The following BMERB1 variants were observed in gnomAD, a reference collection of about 807,000 sequenced individuals.
BMERB1 encodes bMERB domain containing 1, also known as bMERB domain-containing protein 1.
In BMERB1, 12 loss-of-function variants were observed where a neutral mutation model predicts 23.6. The ratio of observed to expected loss-of-function variants is 0.51; its 90% CI spans 0.33 to 0.82. BMERB1 has a LOEUF of 0.82. BMERB1 is among the 40% of genes least tolerant of loss of function. The pLI, the probability that BMERB1 is intolerant of heterozygous loss-of-function variation, is 0.03. For synonymous variants in BMERB1, 122 were observed against 96.6 expected (o/e 1.26, Z -1.54); for missense variants, 247 against 255.4 (o/e 0.97, Z 0.22).
intron 1 of BMERB1, among the ~76,000 whole-genome samples, chr16:15,498,527 T>C (rs2051496750): frequency 7.4e-6 from 1 of 134,842 alleles, no homozygotes; most frequent in Non-Finnish European, 1.6e-5. Flanking sequence ...TTGTTTCAGA[T>C]AAAAAGAGGA....
chr16:15,534,675 T>C (rs994379986), intron 2 of BMERB1, among the ~76,000 whole-genome samples: 1 of 152,212 alleles, frequency 6.6e-6, no homozygotes, highest in African/African-American at 2.4e-5. Flanking sequence ...CCCTGTGCCA[T>C]AAGGCAGTGG....
chr16:15,532,637 C>A (rs1257333662), intron 2 of BMERB1, among the ~76,000 whole-genome samples: 1 of 150,058 alleles, frequency 6.7e-6, no homozygotes, highest in Non-Finnish European at 1.5e-5. Context: ...GCTCTGCCTC[C>A]CAGGTTCACG....
intron 3 of BMERB1, among the ~76,000 whole-genome samples, chr16:15,571,298 C>G (rs959018926): frequency 6.6e-6 from 1 of 152,044 alleles, no homozygotes; most frequent in Non-Finnish European, 1.5e-5. Flanking sequence ...TCCCAGGACC[C>G]CAATTCACTA....
intron 1 of BMERB1, among the ~76,000 whole-genome samples, chr16:15,460,840 G>T (rs1477396615): frequency 6.6e-6 from 1 of 152,128 alleles, no homozygotes; most frequent in African/African-American, 2.4e-5. Flanking sequence ...GAAAAAAGCT[G>T]GGTGCAGGCT....
chr16:15,535,186 C>CA (rs1249729817), intron 2 of BMERB1, among the ~76,000 whole-genome samples: 2 of 151,768 alleles, frequency 1.3e-5, no homozygotes, highest in Non-Finnish European at 2.9e-5. Context: ...CCCATCTCTA[C>CA]AAAAAAACTA....
At chr16:15,541,420 ATTG>A (rs1361412920) in intron 2 of BMERB1, among the ~76,000 whole-genome samples, 3 of 132,756 alleles carry the variant, frequency 2.3e-5, no homozygotes, top group African/African-American at 5.9e-5. Flanking sequence ...TGCCCGCCGA[ATTG>A]TTTTTTTTTT....
intron 1 of BMERB1, among the ~76,000 whole-genome samples, chr16:15,450,280 C>A (rs1005214273): frequency 2.5e-4 from 38 of 151,904 alleles, no homozygotes; most frequent in Admixed American, 2.1e-3. Context: ...TATTATTATT[C>A]TTTTGATGTT....
At chr16:15,579,002 G>A (rs1295839479) in intron 3 of BMERB1, among the ~76,000 whole-genome samples, 1 of 152,204 alleles carries the variant, frequency 6.6e-6, no homozygotes, top group Non-Finnish European at 1.5e-5. Flanking sequence ...TGAGTAGGTG[G>A]TTTCTCCTGG....
At position 15,512,123 on chromosome 16, in the gene BMERB1, C is replaced by G. The variant is rs958446228; in HGVS notation, c.107-3182C>G. Among the ~76,000 whole-genome samples the G allele has an allele frequency of 4.5e-4, 67 of 150,140 alleles. 1 individual carries two copies. Among genetic ancestry groups the G allele is most frequent in the African/African-American group, 1.6e-3 (64 of 41,094 alleles). On this transcript the variant is annotated intron_variant, in intron 1 of 5. Coordinates refer to ENST00000300006, the MANE Select transcript of BMERB1 (RefSeq NM_033201.3). ...CCAGAGAATTACCTTCTTTCTGTCT[C>G]TTTAGCAAAATAAGGTGTTTTGATT...
intron 2 of BMERB1, among the ~76,000 whole-genome samples, chr16:15,535,272 G>C (rs577697414): frequency 6.6e-6 from 1 of 152,054 alleles, no homozygotes; most frequent in Non-Finnish European, 1.5e-5. Flanking sequence ...GATTGCTTGA[G>C]CCCAGGAGTC....
At chr16:15,464,953 T>G (rs535477706) in intron 1 of BMERB1, among the ~76,000 whole-genome samples, 1 of 152,292 alleles carries the variant, frequency 6.6e-6, no homozygotes, top group African/African-American at 2.4e-5. Context: ...TTATTCAAGA[T>G]GGAGTCACTC....
chr16:15,497,798 T>C (rs1332933495), intron 1 of BMERB1, among the ~76,000 whole-genome samples: 5 of 152,138 alleles, frequency 3.3e-5, no homozygotes, highest in African/African-American at 9.7e-5. Flanking sequence ...TAATCCCCAT[T>C]GTGCCCCCTC....
intron 1 of BMERB1, among the ~76,000 whole-genome samples, chr16:15,478,060 C>T: frequency 6.6e-6 from 1 of 152,094 alleles, no homozygotes; most frequent in African/African-American, 2.4e-5. Flanking sequence ...AATGCATTGA[C>T]CTTTTCCTCT....
chr16:15,490,872 T>A (rs1425731451), intron 1 of BMERB1, among the ~76,000 whole-genome samples: 3 of 152,226 alleles, frequency 2.0e-5, no homozygotes, highest in Admixed American at 2.0e-4. Flanking sequence ...AGACAGGGTC[T>A]TGCTCTGTCA....
chr16:15,542,078 T>A (rs914542045), intron 2 of BMERB1, among the ~76,000 whole-genome samples: 5 of 149,984 alleles, frequency 3.3e-5, no homozygotes, highest in African/African-American at 1.2e-4. Context: ...TTTTTTTTTT[T>A]TTTGAGACGG....
At chr16:15,490,131 TG>T (rs1383704812) in intron 1 of BMERB1, among the ~76,000 whole-genome samples, 1 of 152,158 alleles carries the variant, frequency 6.6e-6, no homozygotes, top group Non-Finnish European at 1.5e-5. Context: ...CCCCAAGTGC[TG>T]GGATTACAGG....
At chr16:15,462,210 G>A (rs905851781) in intron 1 of BMERB1, among the ~76,000 whole-genome samples, 4 of 133,850 alleles carry the variant, frequency 3.0e-5, no homozygotes, top group African/African-American at 1.1e-4. Flanking sequence ...GGAGTGCAAT[G>A]GCGCCATCTT....
intron 1 of BMERB1, among the ~76,000 whole-genome samples, chr16:15,482,001 G>T (rs532782428): frequency 6.6e-6 from 1 of 152,114 alleles, no homozygotes; most frequent in Admixed American, 6.5e-5. Context: ...AAAGTGCTGG[G>T]ATTACAGGCA....
At chr16:15,580,065 C>G (rs1345043907) in intron 3 of BMERB1, among the ~76,000 whole-genome samples, 1 of 151,682 alleles carries the variant, frequency 6.6e-6, no homozygotes, top group African/African-American at 2.4e-5. Flanking sequence ...TCCTGATGCT[C>G]TCCCTCCCCA....
Sources: gnomAD v4.1 joint callset for allele counts (sites outside exome capture counted in the v4.1 genomes callset) on GRCh38, gnomAD v4.1.1 for gene constraint, MANE v1.5 for transcripts, NCBI Gene and HGNC (gene_info 2026-07-23, HGNC 2026-07-21) for gene names.